PLB1: variants seen among roughly 807,000 people sequenced by gnomAD.
PLB1 encodes phospholipase B1, membrane-associated.
In PLB1, 242 loss-of-function variants were observed where a neutral mutation model predicts 227.4. The observed-to-expected ratio is 1.06, with a 90% confidence interval of 0.96 to 1.18. The LOEUF (loss-of-function observed/expected upper bound fraction) is 1.18. PLB1 is among the 50% of genes most tolerant of loss of function. The pLI is 0.00. For missense variants in PLB1, 1,858 were observed against 1,816.3 expected (o/e 1.02, Z -0.42); for synonymous variants, 757 against 682.2 (o/e 1.11, Z -1.71).
At chr2:28,614,571 T>A (rs1411701386) in intron 44 of PLB1, among the ~76,000 whole-genome samples, 1 of 152,172 alleles carries the variant, frequency 6.6e-6, no homozygotes, top group Non-Finnish European at 1.5e-5. Context: ...TGCTGAGGAT[T>A]CAGAGCCCAT....
At chr2:28,556,100 T>C (rs536905008) in intron 17 of PLB1, among the ~76,000 whole-genome samples, 1 of 152,248 alleles carries the variant, frequency 6.6e-6, no homozygotes, top group East Asian at 1.9e-4. Context: ...TGGGCTCAAA[T>C]GATCCTCCTA....
intron 8 of PLB1, among the ~76,000 whole-genome samples, chr2:28,531,046 G>A (rs1670942243): frequency 6.6e-6 from 1 of 152,200 alleles, no homozygotes; most frequent in Non-Finnish European, 1.5e-5. Flanking sequence ...ACAGTCCAGT[G>A]TTCCTCAACT....
rs1337532116 is a variant in PLB1, at chr2:28,516,846, T to TTG, written c.95_96dup (p.Glu33TrpfsTer10). On this transcript the variant is annotated frameshift_variant, in exon 2 of 58. Coordinates refer to ENST00000327757, the MANE Select transcript of PLB1 (RefSeq NM_153021.5). LOFTEE classifies it high-confidence loss of function. Reference sequence around the variant, plus strand: ...CCATACCTCTCCTAGAAAGAGTACATTGGAAGGGCAGCTATGGCCAGAGGT... The same window carrying TTG: ...CCATACCTCTCCTAGAAAGAGTACATTGTGGAAGGGCAGCTATGGCCAGAGGT... The TTG allele has an allele frequency of 2.5e-6, 4 of 1,613,874 alleles. No individual in the cohort carries two copies. The highest frequency in any genetic ancestry group is 3.4e-6 in the Non-Finnish European group (4 of 1,179,786).
chr2:28,513,348 G>A (rs753557411), intron 1 of PLB1, among the ~76,000 whole-genome samples: 4 of 152,272 alleles, frequency 2.6e-5, no homozygotes, highest in South Asian at 4.1e-4. Context: ...ACAGATCAGC[G>A]CATTTCTAGT....
At position 28,642,842 on chromosome 2, in the gene PLB1, C is replaced by T. The variant is rs1223782434; in HGVS notation, c.4174-16C>T. 41 of 1,567,856 alleles carry T rather than the reference C, an allele frequency of 2.6e-5. No homozygotes were observed. Among genetic ancestry groups the T allele is most frequent in the Non-Finnish European group, 3.2e-5 (37 of 1,152,328 alleles). ...CACGGAGATCCTTTCCACTGACCCC[C>T]GCTCCTCCTCCACAGGAGAGCCCTT... is the stretch of plus-strand genomic sequence containing the variant. On this transcript the variant is annotated splice_polypyrimidine_tract_variant and intron_variant, in intron 57 of 57. Transcript: ENST00000327757.
chr2:28,558,237 G>A (rs1056580035), intron 17 of PLB1, among the ~76,000 whole-genome samples: 1 of 151,958 alleles, frequency 6.6e-6, no homozygotes, highest in African/African-American at 2.4e-5. Flanking sequence ...GGTTTCAGCT[G>A]CCTCTTTAGC....
rs908898168 is a variant in PLB1 at position 28,552,871 on chromosome 2, C to G, written c.1084-57C>G. ...TCCAAAATAGAGGCCCCACTTCTCA[C>G]CCATTTCCAGTTTAGAAAAATCCAT... On this transcript the variant is annotated intron_variant, in intron 16 of 57. Transcript: ENST00000327757. The G allele has an allele frequency of 8.9e-6, 13 of 1,461,160 alleles. No homozygotes were observed. In the East Asian group the frequency reaches 2.9e-4, roughly 33 times the overall value. 90.5% of individuals were successfully genotyped at this position (1,461,160 alleles called of 1,614,324 possible). A position where few individuals can be genotyped will look rare whatever the true frequency, so the allele number is the denominator to read the frequency against.
rs754776072 is a variant in PLB1, at chr2:28,578,056, C to T, written c.1434-51C>T. ...TGATTGCTGTTCTCTCTGCTAAGGG[C>T]CCCTGCCAGTCCCCACTCCTCACAG... On this transcript the variant is annotated intron_variant, in intron 21 of 57. Transcript: ENST00000327757. 18 of 1,565,022 alleles carry T rather than the reference C, an allele frequency of 1.2e-5. No individual in the cohort carries two copies. The South Asian group carries it at 1.7e-4, about 15-fold the overall frequency.
intron 1 of PLB1, among the ~76,000 whole-genome samples, chr2:28,512,217 A>C (rs748039947): frequency 4.0e-5 from 6 of 151,768 alleles, no homozygotes; most frequent in Admixed American, 6.6e-5. Context: ...AAATATACTT[A>C]CTATCTTTAA....
At chr2:28,616,524 G>C (rs896907496) in intron 44 of PLB1, among the ~76,000 whole-genome samples, 2 of 152,184 alleles carry the variant, frequency 1.3e-5, no homozygotes, top group Admixed American at 6.5e-5. Flanking sequence ...TTTTGGGTGT[G>C]GTGCATGGTT....
At chr2:28,578,536 A>T (rs957244818) in intron 22 of PLB1, among the ~76,000 whole-genome samples, 7 of 152,150 alleles carry the variant, frequency 4.6e-5, no homozygotes, top group Non-Finnish European at 1.0e-4. Context: ...TGCTTAGGAC[A>T]GTCAGGGAAG....
intron 1 of PLB1, among the ~76,000 whole-genome samples, chr2:28,515,520 C>G (rs1668743069): frequency 6.6e-6 from 1 of 152,212 alleles, no homozygotes; most frequent in African/African-American, 2.4e-5. Flanking sequence ...GAGGCGGATT[C>G]CAGTCATCAT....
rs140566500 is a variant in PLB1 at position 28,518,509 on chromosome 2, G to T, written c.161G>T (p.Gly54Val). 3.7e-6 allele frequency: 6 copies of T among 1,612,890 alleles called. No individual in the cohort carries two copies. In the South Asian group the frequency reaches 6.6e-5, roughly 18 times the overall value. ...SPFPCNPNKLGVNMPSKSVHS... is the reference protein window; with the variant it reads ...SPFPCNPNKLVVNMPSKSVHS... ...TTCCCATGCAACCCAAATAAATTAG[G>T]AGTGAATATGCCTTCTAAATCAGGT... The change falls in exon 3 of 58, where the codon GGA becomes GTA. Residue 54 changes from glycine to valine, a missense_variant. Physicochemically the swap from Gly to Val is moderately radical, Grantham distance 109. Transcript: ENST00000327757.
intron 8 of PLB1, 59 bp downstream of exon 8, chr2:28,529,838 A>C (rs1670785069): frequency 6.5e-7 from 1 of 1,535,722 alleles, no homozygotes; most frequent in Non-Finnish European, 9.0e-7. Flanking sequence ...CAAGGCGGGC[A>C]GACCGAAGTG....
At position 28,598,951 on chromosome 2, in the gene PLB1, A is replaced by T. The variant is rs77612016; in HGVS notation, c.2474+191A>T. Among the ~76,000 whole-genome samples, 866 of 152,300 alleles carry T rather than the reference A, an allele frequency of 5.7e-3. 8 individuals are homozygous for T. Among genetic ancestry groups the T allele is most frequent in the Middle Eastern group, 0.02 (6 of 294 alleles). ...CCAGAGAGGCTGTGGCCTTGGAGAG[A>T]TGCGATGCCCCTATAGGTTCAACTC... On this transcript the variant is annotated intron_variant, in intron 35 of 57. Transcript: ENST00000327757.
In PLB1 at chr2:28,642,983, C is replaced by G. The variant is rs191637109; in HGVS notation, c.4299C>G (p.Ile1433Met). The stretch of plus-strand genomic sequence containing the variant: ...GAGTCGGCCTTGTGGTGGGCATCAT[C>G]GGGACAGTGGTCTGGAGGTGCAGGA... ...AAGVGLVVGI[I>M]GTVVWRCRRG... Residue 1433 changes from isoleucine (I) to methionine (M), a missense_variant, in exon 58 of 58, where the codon ATC (isoleucine) becomes ATG (methionine). Ile to Met is a conservative substitution (Grantham distance 10). Coordinates refer to ENST00000327757, the MANE Select transcript of PLB1 (RefSeq NM_153021.5). 6.2e-7 allele frequency: 1 copy of G among 1,610,594 alleles called. No individual in the cohort carries two copies. The highest frequency in any genetic ancestry group is 8.5e-7 in the Non-Finnish European group (1 of 1,178,656).
At chr2:28,519,629 C>CT (rs1669254167) in intron 3 of PLB1, 76 bp from the exon 4 acceptor site, 1 of 1,122,812 alleles carries the variant, frequency 8.9e-7, no homozygotes, top group African/African-American at 1.5e-5. Flanking sequence ...TGAGTCTCCT[C>CT]TCCCATACGG....
chr2:28,504,971 A>G (rs2148159702), intron 1 of PLB1, among the ~76,000 whole-genome samples: 1 of 152,314 alleles, frequency 6.6e-6, no homozygotes, highest in Middle Eastern at 3.4e-3. Flanking sequence ...GATGAAGGTG[A>G]ATGTCTTCAG....
At position 28,544,654 on chromosome 2, in the gene PLB1, A is replaced by G. The variant is rs967758760; in HGVS notation, c.936+1386A>G. Among the ~76,000 whole-genome samples, 3 of 152,288 alleles carry G rather than the reference A, an allele frequency of 2.0e-5. No individual in the cohort carries two copies. The East Asian group carries it at 5.8e-4, about 29-fold the overall frequency. On this transcript the variant is annotated intron_variant, in intron 14 of 57. Coordinates refer to ENST00000327757, the MANE Select transcript of PLB1 (RefSeq NM_153021.5). ...TCAGCCAGCAGTGTTGTGCTGGGCC[A>G]CGCACCAAGAAGCAATGTGAACAAT...
Sources: allele counts gnomAD v4.1 joint callset (sites outside exome capture counted in the v4.1 genomes callset), GRCh38; gene constraint gnomAD v4.1.1; transcripts MANE v1.5; gene names NCBI Gene and HGNC (gene_info 2026-07-23, HGNC 2026-07-21).